SLC4A10: variants seen among roughly 807,000 people sequenced by gnomAD.
SLC4A10 encodes solute carrier family 4 member 10, also known as sodium-driven chloride bicarbonate exchanger.
SLC4A10 carries 42 observed loss-of-function variants against 137.7 expected under a neutral mutation model. The ratio of observed to expected loss-of-function variants is 0.30; its 90% CI spans 0.24 to 0.39. The LOEUF (loss-of-function observed/expected upper bound fraction) is 0.39, where lower values mean the gene tolerates loss of function less well. Among genes scored for constraint, SLC4A10 ranks in the 10% least tolerant of loss-of-function variants. The pLI is 1.00. For synonymous variants in SLC4A10, 474 were observed against 464.1 expected (o/e 1.02, Z -0.27); for missense variants, 925 against 1,355.0 (o/e 0.68, Z 4.98).
Position 161,693,616 on chromosome 2 carries a change from C to T in SLC4A10, c.48+69050C>T, listed in dbSNP as rs954285513. Among the ~76,000 whole-genome samples the T allele has an allele frequency of 8.6e-5, 13 of 151,064 alleles. No homozygotes were observed. In the South Asian group the frequency reaches 2.7e-3, roughly 32 times the overall value. On this transcript the variant is annotated intron_variant, in intron 1 of 26. Coordinates refer to ENST00000446997, the MANE Select transcript of SLC4A10 (RefSeq NM_001178015.2). Reference sequence around the variant, plus strand: ...TTGACCAACATCTCCTCATTTTCCCCACCCTTCAGCCTCTGGCAACCAGCA... The same window carrying T: ...TTGACCAACATCTCCTCATTTTCCCTACCCTTCAGCCTCTGGCAACCAGCA...
chr2:161,861,596 A>G (rs1369230858), intron 5 of SLC4A10, among the ~76,000 whole-genome samples: 1 of 152,178 alleles, frequency 6.6e-6, no homozygotes, highest in Non-Finnish European at 1.5e-5. Context: ...GTCACAAAAT[A>G]TGAACATATT....
At chr2:161,956,356 T>C (rs1172297228) in intron 19 of SLC4A10, among the ~76,000 whole-genome samples, 5 of 152,194 alleles carry the variant, frequency 3.3e-5, no homozygotes, top group Non-Finnish European at 4.4e-5. Context: ...TTAACCACTT[T>C]ATTATACTGC....
intron 1 of SLC4A10, among the ~76,000 whole-genome samples, chr2:161,644,068 CTT>C (rs5835873): frequency 7.0e-6 from 1 of 143,728 alleles, no homozygotes. Context: ...GGCTTCTAAT[CTT>C]TTTTTTTTTT....
chr2:161,656,508 G>T (rs1242246494), intron 1 of SLC4A10, among the ~76,000 whole-genome samples: 1 of 152,056 alleles, frequency 6.6e-6, no homozygotes, highest in Admixed American at 6.5e-5. Context: ...AAATGAGGAG[G>T]TGTAGAATGT....
At chr2:161,632,996 T>C (rs1004978299) in intron 1 of SLC4A10, among the ~76,000 whole-genome samples, 1 of 151,670 alleles carries the variant, frequency 6.6e-6, no homozygotes, top group Admixed American at 6.6e-5. Context: ...ATTGTGTATA[T>C]ACATGTATAT....
intron 2 of SLC4A10, among the ~76,000 whole-genome samples, chr2:161,779,587 A>G (rs952203010): frequency 6.6e-6 from 1 of 152,044 alleles, no homozygotes; most frequent in Non-Finnish European, 1.5e-5. Context: ...TAATAAGTGC[A>G]CATCTCATAA....
chr2:161,744,091 T>C (rs2048178598), intron 1 of SLC4A10, among the ~76,000 whole-genome samples: 1 of 152,202 alleles, frequency 6.6e-6, no homozygotes, highest in Admixed American at 6.5e-5. Context: ...TAATTCTATT[T>C]ATTCCTTTCC....
intron 1 of SLC4A10, among the ~76,000 whole-genome samples, chr2:161,745,742 G>A (rs1259479164): frequency 6.6e-6 from 1 of 152,062 alleles, no homozygotes; most frequent in Non-Finnish European, 1.5e-5. Context: ...TGAATTAAGG[G>A]TTGTAATCTA....
rs1189127245 is a variant in SLC4A10, at chr2:161,984,913, T to C, written c.*1761T>C. Reference sequence around the variant, plus strand: ...TTTTAATATATTAATAACTGTTTTGTTAAAAATGATCATAGTGAATTTAAA... The same window carrying C: ...TTTTAATATATTAATAACTGTTTTGCTAAAAATGATCATAGTGAATTTAAA... On this transcript the variant is annotated 3_prime_UTR_variant, in exon 27 of 27. Coordinates refer to ENST00000446997, the MANE Select transcript of SLC4A10 (RefSeq NM_001178015.2). 1 of 152,056 alleles carries C rather than the reference T, an allele frequency of 6.6e-6. No homozygotes were observed. The highest frequency in any genetic ancestry group is 2.4e-5 in the African/African-American group (1 of 41,452). The allele number at this position is 152,056 out of a possible 1,614,324, so 9.4% of individuals were successfully genotyped here.
intron 2 of SLC4A10, among the ~76,000 whole-genome samples, chr2:161,801,146 T>C (rs1163491961): frequency 6.6e-6 from 1 of 152,074 alleles, no homozygotes; most frequent in Non-Finnish European, 1.5e-5. Flanking sequence ...ACTTACTGTC[T>C]ATTCTCTTGC....
chr2:161,625,734 C>A (rs990064685), intron 1 of SLC4A10, among the ~76,000 whole-genome samples: 2 of 152,044 alleles, frequency 1.3e-5, no homozygotes, highest in South Asian at 2.1e-4. Flanking sequence ...CAGTTTGCAT[C>A]CCCGGAATCA....
chr2:161,721,773 A>AT (rs1323476266), intron 1 of SLC4A10, among the ~76,000 whole-genome samples: 2 of 152,216 alleles, frequency 1.3e-5, no homozygotes, highest in Non-Finnish European at 2.9e-5. Flanking sequence ...GATATCCTGA[A>AT]GTATGTTTTC....
intron 4 of SLC4A10, among the ~76,000 whole-genome samples, chr2:161,846,156 GCAAAAGGCA>G (rs1285894756): frequency 6.6e-6 from 1 of 152,050 alleles, no homozygotes; most frequent in Non-Finnish European, 1.5e-5. Context: ...AGAAAAGTGG[GCAAAAGGCA>G]CAAACAGACA....
chr2:161,632,146 C>A (rs543431688), intron 1 of SLC4A10, among the ~76,000 whole-genome samples: 44 of 151,580 alleles, frequency 2.9e-4, no homozygotes, highest in African/African-American at 1.0e-3. Context: ...GTCTTTTTTC[C>A]CCCTTTTGAC....
At chr2:161,688,515 C>A (rs560100841) in intron 1 of SLC4A10, among the ~76,000 whole-genome samples, 1 of 152,036 alleles carries the variant, frequency 6.6e-6, no homozygotes, top group Non-Finnish European at 1.5e-5. Flanking sequence ...CATTATTTCA[C>A]GTGTTTGTTC....
At chr2:161,912,641 A>G (rs533520460) in intron 15 of SLC4A10, among the ~76,000 whole-genome samples, 3 of 152,238 alleles carry the variant, frequency 2.0e-5, no homozygotes, top group East Asian at 3.9e-4. Context: ...TAGAGAGACT[A>G]CACTCCAGAA....
intron 26 of SLC4A10, among the ~76,000 whole-genome samples, chr2:161,978,211 C>T (rs907992054): frequency 2.0e-5 from 3 of 151,574 alleles, no homozygotes; most frequent in Non-Finnish European, 1.5e-5. Context: ...ATGGTGAAAC[C>T]TTTTCTGTAC....
At chr2:161,879,604 T>G (rs1335470583) in intron 9 of SLC4A10, among the ~76,000 whole-genome samples, 2 of 151,748 alleles carry the variant, frequency 1.3e-5, no homozygotes, top group East Asian at 3.9e-4. Context: ...TGTTAGCTTT[T>G]TCTCAAAGAT....
chr2:161,744,164 T>C (rs946456403), intron 1 of SLC4A10, among the ~76,000 whole-genome samples: 27 of 152,164 alleles, frequency 1.8e-4, no homozygotes, highest in Admixed American at 1.6e-3. Context: ...TCCAGTACTA[T>C]GGTGAACAAC....
Sources: gnomAD v4.1 joint callset for allele counts (sites outside exome capture counted in the v4.1 genomes callset) on GRCh38, gnomAD v4.1.1 for gene constraint, MANE v1.5 for transcripts, NCBI Gene and HGNC (gene_info 2026-07-23, HGNC 2026-07-21) for gene names.